CAMK1D: variants seen among roughly 807,000 people sequenced by gnomAD.
CAMK1D encodes the protein calcium/calmodulin-dependent protein kinase type 1D.
In CAMK1D, 9 loss-of-function variants were observed where a neutral mutation model predicts 47.7. That is an observed-to-expected ratio of 0.19 (90% CI 0.11 to 0.33). The LOEUF is 0.33. Ranked by LOEUF, CAMK1D falls within the 10% of genes least tolerant of loss-of-function variation. The probability of loss-of-function intolerance (pLI) is 1.00; values close to 1 mark genes in which losing one functional copy is unlikely to be tolerated. For missense variants in CAMK1D, 291 were observed against 488.7 expected (o/e 0.60, Z 3.81); for synonymous variants, 184 against 184.9 (o/e 0.99, Z 0.04).
rs186350273 is a variant in CAMK1D at position 12,774,721 on chromosome 10, G to T, written c.565+4922G>T. 3.5e-4 allele frequency among the ~76,000 whole-genome samples: 54 copies of T among 152,352 alleles called. 1 individual carries two copies. The East Asian group carries it at 6.2e-3, about 17-fold the overall frequency. The stretch of plus-strand genomic sequence containing the variant: ...CAGGCTGGTGGGCATTCCTGCCTGA[G>T]CTCCGCCTCCTGTCAGATCAGCAGC... On this transcript the variant is annotated intron_variant, in intron 5 of 10. Transcript: ENST00000619168.
At chr10:12,791,937 G>GC (rs1405986453) in intron 6 of CAMK1D, among the ~76,000 whole-genome samples, 1 of 152,196 alleles carries the variant, frequency 6.6e-6, no homozygotes, top group Non-Finnish European at 1.5e-5. Context: ...ATTCCCAGCA[G>GC]CAAACACAAG....
chr10:12,709,033 G>C (rs1833834097), intron 3 of CAMK1D, among the ~76,000 whole-genome samples: 1 of 152,204 alleles, frequency 6.6e-6, no homozygotes, highest in African/African-American at 2.4e-5. Context: ...CATGGGAGTG[G>C]GGGGCACAGA....
At chr10:12,794,058 A>T (rs1007170421) in intron 6 of CAMK1D, among the ~76,000 whole-genome samples, 1 of 152,156 alleles carries the variant, frequency 6.6e-6, no homozygotes, top group Non-Finnish European at 1.5e-5. Flanking sequence ...TATCCCAGCC[A>T]CTCTGAAGAA....
At chr10:12,788,397 T>C (rs1308691562) in intron 5 of CAMK1D, among the ~76,000 whole-genome samples, 1 of 152,172 alleles carries the variant, frequency 6.6e-6, no homozygotes, top group East Asian at 1.9e-4. Flanking sequence ...TGCTGCGCCA[T>C]CTCACTGAAG....
chr10:12,576,150 C>A (rs926248915), intron 2 of CAMK1D, among the ~76,000 whole-genome samples: 1 of 152,072 alleles, frequency 6.6e-6, no homozygotes, highest in African/African-American at 2.4e-5. Context: ...TATGTTGTTT[C>A]TTTGATCGAA....
At chr10:12,808,107 C>T (rs1388060802) in intron 6 of CAMK1D, among the ~76,000 whole-genome samples, 2 of 152,192 alleles carry the variant, frequency 1.3e-5, no homozygotes, top group Non-Finnish European at 2.9e-5. Context: ...GCAGCCACTC[C>T]TGCCGGCAGC....
intron 5 of CAMK1D, among the ~76,000 whole-genome samples, chr10:12,780,177 G>C (rs562552481): frequency 2.0e-5 from 3 of 152,200 alleles, no homozygotes; most frequent in African/African-American, 7.2e-5. Flanking sequence ...AAGTTGATGT[G>C]GGGCGTGGGA....
chr10:12,518,288 T>A (rs1436001891), intron 1 of CAMK1D, among the ~76,000 whole-genome samples: 1 of 152,144 alleles, frequency 6.6e-6, no homozygotes, highest in Non-Finnish European at 1.5e-5. Context: ...AATGGCAGAG[T>A]GGAATAGTTA....
At chr10:12,667,002 C>T (rs1840454311) in intron 3 of CAMK1D, 192 bp downstream of exon 3, 2 of 580,936 alleles carry the variant, frequency 3.4e-6, no homozygotes, top group South Asian at 4.4e-5. Context: ...ACAGGCCTCC[C>T]TTGCACCAGC....
chr10:12,371,956 G>A (rs559987032), intron 1 of CAMK1D, among the ~76,000 whole-genome samples: 2 of 152,190 alleles, frequency 1.3e-5, no homozygotes, highest in African/African-American at 4.8e-5. Flanking sequence ...TGTGAGCCGT[G>A]GTGCCCCGGC....
intron 1 of CAMK1D, among the ~76,000 whole-genome samples, chr10:12,399,622 C>T (rs1839100413): frequency 6.6e-6 from 1 of 152,150 alleles, no homozygotes; most frequent in Non-Finnish European, 1.5e-5. Context: ...AAGGGGTTTG[C>T]ACTATATGCC....
intron 2 of CAMK1D, among the ~76,000 whole-genome samples, chr10:12,575,436 C>A (rs1283516192): frequency 6.6e-6 from 1 of 152,132 alleles, no homozygotes; most frequent in East Asian, 1.9e-4. Flanking sequence ...AATTTGATAT[C>A]CTGTCTCCTT....
chr10:12,531,562 GGA>G (rs1835806174), intron 1 of CAMK1D, among the ~76,000 whole-genome samples: 1 of 152,202 alleles, frequency 6.6e-6, no homozygotes, highest in African/African-American at 2.4e-5. Flanking sequence ...CCACGGAGCA[GGA>G]GAGACTCCAG....
chr10:12,694,531 ATT>A (rs1384118163), intron 3 of CAMK1D, among the ~76,000 whole-genome samples: 5 of 76,354 alleles, frequency 6.5e-5, no homozygotes, highest in African/African-American at 1.6e-4. Context: ...TATGATATAT[ATT>A]ATGTATAAAA....
intron 1 of CAMK1D, among the ~76,000 whole-genome samples, chr10:12,444,603 T>C (rs1403711486): frequency 6.6e-6 from 1 of 152,202 alleles, no homozygotes; most frequent in East Asian, 1.9e-4. Context: ...GTACATTGGT[T>C]TGGTCTAGAA....
At chr10:12,408,432 C>G (rs1396824295) in intron 1 of CAMK1D, among the ~76,000 whole-genome samples, 1 of 152,162 alleles carries the variant, frequency 6.6e-6, no homozygotes, top group Admixed American at 6.5e-5. Context: ...CTCGGCCTCC[C>G]AAAGTGCTGG....
chr10:12,697,039 C>T (rs1226962528), intron 3 of CAMK1D, among the ~76,000 whole-genome samples: 2 of 151,996 alleles, frequency 1.3e-5, no homozygotes, highest in East Asian at 1.9e-4. Context: ...ACACTAAATT[C>T]GATATGAGTT....
intron 3 of CAMK1D, among the ~76,000 whole-genome samples, chr10:12,739,252 G>A (rs1019021034): frequency 6.6e-6 from 1 of 151,844 alleles, no homozygotes; most frequent in African/African-American, 2.4e-5. Flanking sequence ...AAGAAAAAAG[G>A]TTAATACAAA....
At chr10:12,816,112 A>C in intron 7 of CAMK1D, 138 bp from the exon 8 acceptor site, 1 of 600,140 alleles carries the variant, frequency 1.7e-6, no homozygotes, top group Non-Finnish European at 2.9e-6. Flanking sequence ...CTTTGTGTCC[A>C]AGGTACAGTA....
Sources: allele counts gnomAD v4.1 joint callset (sites outside exome capture counted in the v4.1 genomes callset), GRCh38; gene constraint gnomAD v4.1.1; transcripts MANE v1.5; gene names NCBI Gene and HGNC (gene_info 2026-07-23, HGNC 2026-07-21).